The following ABCC9 variants were observed in gnomAD, a reference collection of about 807,000 sequenced individuals.
The protein encoded by ABCC9 is ATP binding cassette subfamily C member 9.
A neutral mutation model predicts 188.3 loss-of-function variants in ABCC9; 95 were observed. That is an observed-to-expected ratio of 0.50 (90% CI 0.43 to 0.60). The LOEUF (loss-of-function observed/expected upper bound fraction) is 0.60, where lower values mean the gene tolerates loss of function less well. Ranked by LOEUF, ABCC9 falls within the 20% of genes least tolerant of loss-of-function variation. ABCC9 has a pLI of 0.00. For missense variants in ABCC9, 1,102 were observed against 1,876.3 expected (o/e 0.59, Z 7.62); for synonymous variants, 659 against 652.7 (o/e 1.01, Z -0.15).
intron 16 of ABCC9, 43 bp downstream of exon 16, chr12:21,882,723 T>C: frequency 6.6e-7 from 1 of 1,504,172 alleles, no homozygotes; most frequent in South Asian, 1.1e-5. Context: ...AATAGTAACA[T>C]AAATGTTTCT....
intron 31 of ABCC9, chr12:21,827,443 C>T (rs1040427857): frequency 9.6e-6 from 3 of 313,848 alleles, no homozygotes; most frequent in South Asian, 1.2e-4. Flanking sequence ...TAACATTTCT[C>T]CCTTATGATT....
intron 39 of ABCC9, chr12:21,805,113 G>A: frequency 6.2e-7 from 1 of 1,609,514 alleles, no homozygotes; most frequent in South Asian, 1.1e-5. Flanking sequence ...GCCTTACTGA[G>A]AGGATACTGC....
At chr12:21,922,109 A>T (rs1017017755) in intron 5 of ABCC9, among the ~76,000 whole-genome samples, 2 of 152,052 alleles carry the variant, frequency 1.3e-5, no homozygotes, top group African/African-American at 2.4e-5. Flanking sequence ...GAAAAATGTC[A>T]TTGGTATTTT....
At chr12:21,929,159 C>T (rs1949171804) in intron 4 of ABCC9, among the ~76,000 whole-genome samples, 2 of 151,936 alleles carry the variant, frequency 1.3e-5, no homozygotes, top group Admixed American at 6.6e-5. Flanking sequence ...GTAATACAAT[C>T]AGTAAACGCA....
intron 15 of ABCC9, among the ~76,000 whole-genome samples, chr12:21,884,590 A>G (rs1348170965): frequency 6.6e-6 from 1 of 152,166 alleles, no homozygotes; most frequent in African/African-American, 2.4e-5. Flanking sequence ...ATAATCAGTA[A>G]TTTAATCCAA....
chr12:21,927,729 T>G (rs1949097550), intron 4 of ABCC9, among the ~76,000 whole-genome samples: 1 of 152,194 alleles, frequency 6.6e-6, no homozygotes, highest in South Asian at 2.1e-4. Flanking sequence ...TGTAGACATT[T>G]GGAACATGGT....
At chr12:21,875,502 A>T in intron 17 of ABCC9, 152 bp downstream of exon 17, 1 of 618,868 alleles carries the variant, frequency 1.6e-6, no homozygotes, top group Non-Finnish European at 2.8e-6. Context: ...TCCCACAGTG[A>T]CACAGTGGCT....
At chr12:21,933,715 G>T in intron 4 of ABCC9, 67 bp downstream of exon 4, 1 of 1,553,754 alleles carries the variant, frequency 6.4e-7, no homozygotes, top group Non-Finnish European at 8.9e-7. Context: ...TTACAAAGAT[G>T]TGAACTTGTG....
chr12:21,937,505 G>C, intron 2 of ABCC9, among the ~76,000 whole-genome samples: 1 of 152,216 alleles, frequency 6.6e-6, no homozygotes, highest in East Asian at 1.9e-4. Flanking sequence ...TGGGCCACTG[G>C]GGATTCCGGG....
intron 4 of ABCC9, among the ~76,000 whole-genome samples, chr12:21,932,546 T>C (rs1463502642): frequency 1.3e-5 from 2 of 152,092 alleles, no homozygotes; most frequent in Non-Finnish European, 2.9e-5. Flanking sequence ...ATCCAGCATC[T>C]ATAAGGAACT....
chr12:21,897,800 A>T (rs1185146391), intron 12 of ABCC9, among the ~76,000 whole-genome samples: 1 of 152,012 alleles, frequency 6.6e-6, no homozygotes, highest in African/African-American at 2.4e-5. Flanking sequence ...TTTCCCCCTC[A>T]TGACTTCTTA....
intron 31 of ABCC9, among the ~76,000 whole-genome samples, chr12:21,825,573 C>T (rs1254363679): frequency 1.4e-5 from 2 of 144,596 alleles, no homozygotes; most frequent in African/African-American, 5.2e-5. Flanking sequence ...TGTTCTCACT[C>T]ATAAGTGGGA....
chr12:21,872,191 C>T (rs1446519235), intron 18 of ABCC9, among the ~76,000 whole-genome samples: 3 of 152,178 alleles, frequency 2.0e-5, no homozygotes, highest in African/African-American at 7.2e-5. Flanking sequence ...TTGATTTTCA[C>T]TTTCTTATAC....
rs1390644596 is a variant in ABCC9, at chr12:21,815,916, A to G, written c.3893-23T>C. On this transcript the variant is annotated intron_variant, in intron 33 of 39. Transcript: ENST00000261200. ...GATCTGGAGGATGGGATGGGGAAAT[A>G]GACAGATAATAGGCAGATAGAGATT... 4 of 1,607,906 alleles carry G rather than the reference A, an allele frequency of 2.5e-6. No homozygotes were observed. In the East Asian group the frequency reaches 9.0e-5, roughly 36 times the overall value.
chr12:21,892,500 T>A (rs1432738096), intron 14 of ABCC9, among the ~76,000 whole-genome samples: 1 of 152,128 alleles, frequency 6.6e-6, no homozygotes, highest in African/African-American at 2.4e-5. Flanking sequence ...TAGCTTCCCT[T>A]CCAGAGCACT....
intron 15 of ABCC9, among the ~76,000 whole-genome samples, chr12:21,883,869 G>C (rs1388860666): frequency 1.3e-5 from 2 of 152,082 alleles, no homozygotes; most frequent in Non-Finnish European, 2.9e-5. Context: ...CAGCTGAGTT[G>C]TGACAGTCTT....
chr12:21,925,573 C>G, intron 5 of ABCC9: 1 of 700,692 alleles, frequency 1.4e-6, no homozygotes. Flanking sequence ...GAGGAGATGA[C>G]TTGTTCACAG....
intron 20 of ABCC9, among the ~76,000 whole-genome samples, chr12:21,862,517 A>C (rs1187638521): frequency 6.6e-6 from 1 of 152,146 alleles, no homozygotes; most frequent in Non-Finnish European, 1.5e-5. Flanking sequence ...GGTGGTATTT[A>C]AAAGATGCTT....
At chr12:21,803,465 G>T (rs1167157909) in intron 39 of ABCC9, among the ~76,000 whole-genome samples, 2 of 151,996 alleles carry the variant, frequency 1.3e-5, no homozygotes, top group African/African-American at 4.8e-5. Flanking sequence ...AGACCAGCCT[G>T]ACCAAAATGA....
Sources: gnomAD v4.1 joint callset for allele counts (sites outside exome capture counted in the v4.1 genomes callset) on GRCh38, gnomAD v4.1.1 for gene constraint, MANE v1.5 for transcripts, NCBI Gene and HGNC (gene_info 2026-07-23, HGNC 2026-07-21) for gene names.